Variants in TASP1 observed in about 807,000 individuals in gnomAD.
The protein encoded by TASP1 is threonine aspartase 1.
A neutral mutation model predicts 56.6 loss-of-function variants in TASP1; 16 were observed. The observed-to-expected ratio is 0.28, with a 90% confidence interval of 0.19 to 0.43. The LOEUF (loss-of-function observed/expected upper bound fraction) is 0.43. Among genes scored for constraint, TASP1 ranks in the 20% least tolerant of loss-of-function variants. The pLI is 1.00. For missense variants in TASP1, 393 were observed against 511.6 expected (o/e 0.77, Z 2.24); for synonymous variants, 179 against 184.2 (o/e 0.97, Z 0.23).
chr20:13,596,369 C>T (rs2047731439), intron 4 of TASP1, among the ~76,000 whole-genome samples: 2 of 114,808 alleles, frequency 1.7e-5, no homozygotes, highest in Non-Finnish European at 3.4e-5. Context: ...GAGTGAAACT[C>T]GTAAAAAAAA....
At chr20:13,620,447 C>CATT (rs2048672809) in intron 4 of TASP1, among the ~76,000 whole-genome samples, 1 of 152,106 alleles carries the variant, frequency 6.6e-6, no homozygotes, top group African/African-American at 2.4e-5. Flanking sequence ...CAATAAAGAC[C>CATT]ATTAGAACAT....
At chr20:13,388,015 C>T (rs906509966), downstream of TASP1, among the ~76,000 whole-genome samples, 7 of 152,222 alleles carry the variant, frequency 4.6e-5, no homozygotes, top group Admixed American at 1.3e-4. Flanking sequence ...AGCTAGGTCA[C>T]AGTGACCACC....
At chr20:13,606,771 C>T (rs1325313915) in intron 4 of TASP1, among the ~76,000 whole-genome samples, 4 of 146,912 alleles carry the variant, frequency 2.7e-5, no homozygotes, top group African/African-American at 1.0e-4. Flanking sequence ...CACGCCACTG[C>T]ACTCCAGCCT....
intron 5 of TASP1, among the ~76,000 whole-genome samples, chr20:13,583,176 G>A (rs769251223): frequency 2.4e-4 from 36 of 152,182 alleles, no homozygotes; most frequent in Non-Finnish European, 3.1e-4. Context: ...GGGTGCCTGC[G>A]TAGTGAGCCA....
At chr20:13,571,823 GTACTC>G (rs974169799) in intron 6 of TASP1, among the ~76,000 whole-genome samples, 16 of 152,234 alleles carry the variant, frequency 1.1e-4, no homozygotes, top group African/African-American at 3.6e-4. Flanking sequence ...ACCTCCTTGT[GTACTC>G]TACTCATTGT....
intron 8 of TASP1, among the ~76,000 whole-genome samples, chr20:13,557,572 GTTTTTTTTTTTT>G (rs972801507): frequency 2.0e-5 from 2 of 99,738 alleles, no homozygotes; most frequent in South Asian, 3.2e-4. Context: ...GATGTTTTTG[GTTTTTTTTTTTT>G]TTTTTTTTTT....
chr20:13,335,139 T>C, the TASP1 span, among the ~76,000 whole-genome samples: 1 of 152,216 alleles, frequency 6.6e-6, no homozygotes, highest in African/African-American at 2.4e-5. Context: ...TCTCTCATTG[T>C]GTGCATCCAC....
chr20:13,370,543 G>T, the TASP1 span, among the ~76,000 whole-genome samples: 1 of 151,628 alleles, frequency 6.6e-6, no homozygotes, highest in Non-Finnish European at 1.5e-5. Context: ...CTTTTATAAA[G>T]GTTTCTCATT....
At chr20:13,615,147 C>T (rs1368403361) in intron 4 of TASP1, among the ~76,000 whole-genome samples, 13 of 152,134 alleles carry the variant, frequency 8.5e-5, no homozygotes, top group Admixed American at 8.5e-4. Context: ...AGACTTCCAA[C>T]CCACTAGAAA....
chr20:13,553,882 C>T (rs992794932), intron 8 of TASP1, among the ~76,000 whole-genome samples: 2 of 152,152 alleles, frequency 1.3e-5, no homozygotes, highest in Non-Finnish European at 2.9e-5. Flanking sequence ...TATCCTCAAG[C>T]CATGAACTAT....
the TASP1 span, among the ~76,000 whole-genome samples, chr20:13,126,313 A>AT: frequency 1.3e-4 from 20 of 152,240 alleles, no homozygotes; most frequent in African/African-American, 4.8e-4. Flanking sequence ...TTCAGGAATC[A>AT]TTTTTTCTTC....
At chr20:13,466,076 C>G (rs981960966) in intron 11 of TASP1, among the ~76,000 whole-genome samples, 1 of 152,022 alleles carries the variant, frequency 6.6e-6, no homozygotes, top group Non-Finnish European at 1.5e-5. Flanking sequence ...TTGTGACATT[C>G]TATTATAATT....
chr20:13,623,194 C>T (rs529049731), intron 4 of TASP1, among the ~76,000 whole-genome samples: 10 of 151,306 alleles, frequency 6.6e-5, no homozygotes, highest in African/African-American at 2.2e-4. Flanking sequence ...CTTAAGTATC[C>T]AATCCTTAAC....
chr20:13,528,616 G>A (rs3761890), intron 9 of TASP1, 105 bp from the exon 10 acceptor site: 555,934 of 904,628 alleles, frequency 0.61, 173,042 homozygotes, highest in Non-Finnish European at 0.64. Flanking sequence ...TAATAATGAT[G>A]TAAAACAACT....
chr20:13,551,192 C>A (rs565671982), intron 8 of TASP1, among the ~76,000 whole-genome samples: 144 of 152,052 alleles, frequency 9.5e-4, no homozygotes, highest in African/African-American at 3.0e-3. Context: ...TATGAAAGCA[C>A]CAAAATCATT....
chr20:13,338,149 C>T, the TASP1 span, among the ~76,000 whole-genome samples: 6,212 of 152,230 alleles, frequency 0.041, 265 homozygotes, highest in East Asian at 0.15. Context: ...CTTGATTATA[C>T]ATGAAACAAG....
At chr20:13,127,545 C>T in the TASP1 span, among the ~76,000 whole-genome samples, 4 of 152,148 alleles carry the variant, frequency 2.6e-5, no homozygotes, top group Non-Finnish European at 5.9e-5. Flanking sequence ...TGGGGTACTC[C>T]ATCAGTTTTC....
chr20:13,319,491 G>C, the TASP1 span, among the ~76,000 whole-genome samples: 1 of 152,180 alleles, frequency 6.6e-6, no homozygotes, highest in Admixed American at 6.5e-5. Flanking sequence ...ACAGTCACTC[G>C]GAGAGTGAGA....
At chr20:13,365,577 TGA>T in the TASP1 span, among the ~76,000 whole-genome samples, 1 of 151,668 alleles carries the variant, frequency 6.6e-6, no homozygotes, top group African/African-American at 2.4e-5. Context: ...TCACAGGGAG[TGA>T]CAGGTGTGAA....
Sources: allele counts gnomAD v4.1 joint callset (sites outside exome capture counted in the v4.1 genomes callset), GRCh38; gene constraint gnomAD v4.1.1; transcripts MANE v1.5; gene names NCBI Gene and HGNC (gene_info 2026-07-23, HGNC 2026-07-21).